The following PARD3 variants were observed in gnomAD, a reference collection of about 807,000 sequenced individuals.
PARD3 encodes the protein par-3 family cell polarity regulator.
Under a neutral mutation model 155.4 loss-of-function variants are expected in PARD3, and 75 were observed. The ratio of observed to expected loss-of-function variants is 0.48; its 90% CI spans 0.40 to 0.58. PARD3 has a LOEUF of 0.58. Ranked by LOEUF, PARD3 falls within the 20% of genes least tolerant of loss-of-function variation. The probability of loss-of-function intolerance (pLI) is 0.00; values close to 1 mark genes in which losing one functional copy is unlikely to be tolerated. For synonymous variants in PARD3, 576 were observed against 610.5 expected (o/e 0.94, Z 0.83); for missense variants, 1,642 against 1,721.7 (o/e 0.95, Z 0.82).
intron 2 of PARD3, among the ~76,000 whole-genome samples, chr10:34,540,091 G>C (rs572410303): frequency 3.9e-4 from 60 of 152,280 alleles, no homozygotes; most frequent in Admixed American, 3.9e-3. Context: ...TCCTTTCCCA[G>C]GGTCGTGGCC....
At chr10:34,426,940 A>T (rs554466007) in intron 5 of PARD3, among the ~76,000 whole-genome samples, 9 of 152,354 alleles carry the variant, frequency 5.9e-5, no homozygotes, top group African/African-American at 1.9e-4. Context: ...GCAATCTCCG[A>T]ACATAAATTG....
At chr10:34,171,136 T>C (rs1468444383) in intron 22 of PARD3, among the ~76,000 whole-genome samples, 1 of 152,162 alleles carries the variant, frequency 6.6e-6, no homozygotes. Flanking sequence ...ACACTATCCA[T>C]CCATCAAAAA....
chr10:34,752,537 G>GAA (rs111662023), intron 1 of PARD3, among the ~76,000 whole-genome samples: 17 of 136,928 alleles, frequency 1.2e-4, no homozygotes, highest in African/African-American at 4.5e-4. Flanking sequence ...CTTGTGGGGA[G>GAA]AAAAAAAAAA....
intron 4 of PARD3, among the ~76,000 whole-genome samples, chr10:34,456,445 C>T (rs2132876265): frequency 6.6e-6 from 1 of 152,166 alleles, no homozygotes; most frequent in East Asian, 1.9e-4. Context: ...TACAGGCACC[C>T]ACCATCATGC....
chr10:34,522,254 C>A (rs914347408), intron 2 of PARD3, among the ~76,000 whole-genome samples: 4 of 152,102 alleles, frequency 2.6e-5, no homozygotes, highest in Non-Finnish European at 5.9e-5. Context: ...ACCTTGAAGA[C>A]AAACAAAGGG....
chr10:34,343,079 A>C (rs1290018347), intron 15 of PARD3, among the ~76,000 whole-genome samples: 1 of 152,188 alleles, frequency 6.6e-6, no homozygotes, highest in Non-Finnish European at 1.5e-5. Flanking sequence ...CAAAAGTGTC[A>C]TTCATCAATA....
At chr10:34,738,705 G>A (rs1007291115) in intron 1 of PARD3, among the ~76,000 whole-genome samples, 2 of 152,044 alleles carry the variant, frequency 1.3e-5, no homozygotes, top group Non-Finnish European at 2.9e-5. Flanking sequence ...CTGTGTTCAC[G>A]CCACCGCACT....
intron 3 of PARD3, among the ~76,000 whole-genome samples, chr10:34,479,148 A>G (rs1589719078): frequency 6.6e-6 from 1 of 150,936 alleles, no homozygotes; most frequent in Non-Finnish European, 1.5e-5. Context: ...TTCTATGATT[A>G]GCTCAAATTT....
At chr10:34,327,436 C>T (rs547461297) in intron 19 of PARD3, among the ~76,000 whole-genome samples, 1 of 152,264 alleles carries the variant, frequency 6.6e-6, no homozygotes, top group African/African-American at 2.4e-5. Flanking sequence ...CATTGCTGTG[C>T]CCATGCCATG....
chr10:34,306,591 G>A (rs1957420033), intron 20 of PARD3, among the ~76,000 whole-genome samples: 1 of 152,120 alleles, frequency 6.6e-6, no homozygotes, highest in Non-Finnish European at 1.5e-5. Flanking sequence ...GGAGGTTGCA[G>A]TGAGCTGAAA....
chr10:34,145,201 ATATATATATATATATATATATT>A (rs1315634508), intron 22 of PARD3, among the ~76,000 whole-genome samples: 1 of 59,068 alleles, frequency 1.7e-5, no homozygotes, highest in East Asian at 3.6e-4. Flanking sequence ...ATATATATAT[ATATATATATATATATATATATT>A]TTTTTTTTTT....
intron 20 of PARD3, among the ~76,000 whole-genome samples, chr10:34,315,654 C>T (rs1436960188): frequency 6.6e-6 from 1 of 152,150 alleles, no homozygotes; most frequent in Non-Finnish European, 1.5e-5. Flanking sequence ...TATGAGCTGT[C>T]AGTCTGCACA....
chr10:34,554,476 G>A lies in PARD3; in HGVS notation c.223-37317C>T, dbSNP rs529148418. Among the ~76,000 whole-genome samples, 3 of 152,226 alleles carry A rather than the reference G, an allele frequency of 2.0e-5. No individual in the cohort carries two copies. The South Asian group carries it at 6.2e-4, about 32-fold the overall frequency. On this transcript the variant is annotated intron_variant, in intron 2 of 24. Coordinates refer to ENST00000374788, the MANE Select transcript of PARD3 (RefSeq NM_001184785.2). ...TTCTTTGTACCAACTTTTAATGAAG[G>A]CCTTTTTTAAACAACAGGAAAAGTT...
In PARD3 at chr10:34,317,624, A is replaced by T. The variant is rs117579554; in HGVS notation, c.2834-286T>A. 5.9e-4 allele frequency among the ~76,000 whole-genome samples: 90 copies of T among 152,278 alleles called. No individual in the cohort carries two copies. The East Asian group carries it at 0.015, about 26-fold the overall frequency. Reference sequence around the variant, plus strand: ...AAACACCCTCTAAGAATCAGATTGTACACTACTAGGGGGGTGCCAGCAAGA... The same window carrying T: ...AAACACCCTCTAAGAATCAGATTGTTCACTACTAGGGGGGTGCCAGCAAGA... On this transcript the variant is annotated intron_variant, in intron 19 of 24. Coordinates refer to ENST00000374788, the MANE Select transcript of PARD3 (RefSeq NM_001184785.2).
chr10:34,728,312 A>G (rs1346307740), intron 1 of PARD3, among the ~76,000 whole-genome samples: 3 of 152,246 alleles, frequency 2.0e-5, no homozygotes, highest in African/African-American at 7.2e-5. Flanking sequence ...TACATTAAAT[A>G]GCAAATAAAG....
intron 2 of PARD3, among the ~76,000 whole-genome samples, chr10:34,560,836 G>A (rs1590019663): frequency 6.6e-6 from 1 of 152,068 alleles, no homozygotes; most frequent in Non-Finnish European, 1.5e-5. Flanking sequence ...GGATAGCTAG[G>A]GGAATAAATG....
intron 15 of PARD3, chr10:34,346,403 G>C (rs753668877): frequency 1.5e-6 from 2 of 1,341,012 alleles, no homozygotes; most frequent in African/African-American, 3.0e-5. Flanking sequence ...CAGGTTACAG[G>C]AACTGGTGGA....
In PARD3 at chr10:34,110,871, G is replaced by T; in HGVS notation, c.*298C>A. On this transcript the variant is annotated 3_prime_UTR_variant, in exon 25 of 25. Transcript: ENST00000374788. ...TGCAGGGATGTTACAACCAAGCCGC[G>T]GACAACTCATGAGTAGGGCCGAGAT... The T allele has an allele frequency of 4.1e-6, 1 of 242,248 alleles. No individual in the cohort carries two copies. The highest frequency in any genetic ancestry group is 7.9e-6 in the Non-Finnish European group (1 of 125,902). 15.0% of individuals were successfully genotyped at this position (242,248 alleles called of 1,614,324 possible).
At chr10:34,644,841 G>C (rs983627477) in intron 2 of PARD3, among the ~76,000 whole-genome samples, 2 of 152,080 alleles carry the variant, frequency 1.3e-5, no homozygotes, top group Non-Finnish European at 2.9e-5. Flanking sequence ...CTGAATAGAG[G>C]TAAAACTACA....
Sources: gnomAD v4.1 joint callset for allele counts (sites outside exome capture counted in the v4.1 genomes callset) on GRCh38, gnomAD v4.1.1 for gene constraint, MANE v1.5 for transcripts, NCBI Gene and HGNC (gene_info 2026-07-23, HGNC 2026-07-21) for gene names.